The following ABCB5 variants were observed in gnomAD, a reference collection of about 807,000 sequenced individuals.
ABCB5 encodes the protein ATP binding cassette subfamily B member 5.
Under a neutral mutation model 144.2 loss-of-function variants are expected in ABCB5, and 155 were observed. The observed-to-expected ratio is 1.08, with a 90% CI of 0.94 to 1.23. The LOEUF (loss-of-function observed/expected upper bound fraction) is 1.23, where lower values mean the gene tolerates loss of function less well. Ranked by LOEUF, ABCB5 falls within the 50% of genes most tolerant of loss-of-function variation. ABCB5 has a pLI of 0.00. For missense variants in ABCB5, 1,830 were observed against 1,520.8 expected, an observed-to-expected ratio of 1.20 and a Z score of -3.38; for synonymous variants, 610 against 528.6, an observed-to-expected ratio of 1.15 and a Z score of -2.11.
intron 23 of ABCB5, among the ~76,000 whole-genome samples, chr7:20,735,968 A>G (rs114094182): frequency 0.011 from 1,730 of 152,286 alleles, 27 homozygotes; most frequent in African/African-American, 0.039. Context: ...AATAAATGTT[A>G]GTTGCTTATT....
chr7:20,648,750 T>A (rs1166175367), intron 11 of ABCB5, among the ~76,000 whole-genome samples: 1 of 152,248 alleles, frequency 6.6e-6, no homozygotes, highest in African/African-American at 2.4e-5. Context: ...TGTGATCAAT[T>A]TCTAATGTCT....
chr7:20,629,509 T>C (rs1038206980), intron 4 of ABCB5, among the ~76,000 whole-genome samples: 1 of 152,052 alleles, frequency 6.6e-6, no homozygotes, highest in African/African-American at 2.4e-5. Flanking sequence ...ATGCCTGTAA[T>C]CCTGCACTTT....
chr7:20,700,108 C>G lies in ABCB5; in HGVS notation c.2310C>G (p.His770Gln), dbSNP rs757746346. 10 of 1,612,526 alleles carry G rather than the reference C, an allele frequency of 6.2e-6. No homozygotes were observed. In the South Asian group the frequency reaches 9.9e-5, roughly 16 times the overall value. The change falls in exon 19 of 28, where the codon CAC becomes CAG. Residue 770 changes from histidine to glutamine, a missense_variant. Physicochemically the swap from His to Gln is conservative, Grantham distance 24 (BLOSUM62 0). Coordinates refer to ENST00000404938, the MANE Select transcript of ABCB5 (RefSeq NM_001163941.2). ...AAATTTTAACGATGAGATTAAGACA[C>G]TTGGCCTTCAAAGCCATGTTATATC... ...AGEILTMRLR[H>Q]LAFKAMLYQD...
chr7:20,647,692 A>G, intron 10 of ABCB5, 44 bp downstream of exon 10: 1 of 1,534,644 alleles, frequency 6.5e-7, no homozygotes, highest in East Asian at 2.4e-5. Flanking sequence ...CATTACTGCA[A>G]GAAGGAGACA....
chr7:20,682,894 G>T (rs1785874034), intron 15 of ABCB5, among the ~76,000 whole-genome samples: 1 of 152,078 alleles, frequency 6.6e-6, no homozygotes, highest in South Asian at 2.1e-4. Flanking sequence ...CACCCTACTG[G>T]ATTTCACATA....
chr7:20,621,956 T>C (rs1014082007), intron 1 of ABCB5, among the ~76,000 whole-genome samples: 2 of 152,106 alleles, frequency 1.3e-5, no homozygotes, highest in African/African-American at 4.8e-5. Context: ...TTTGGCTCAG[T>C]GGACTTCCTT....
At position 20,699,898 on chromosome 7, in the gene ABCB5, G is replaced by A; in HGVS notation, c.2228G>A (p.Gly743Asp). 1 of 1,612,618 alleles carries A rather than the reference G, an allele frequency of 6.2e-7. No individual in the cohort carries two copies. The highest frequency in any genetic ancestry group is 8.5e-7 in the Non-Finnish European group (1 of 1,179,274). The part of the protein sequence containing the change: ...EIYSMIFVIL[G>D]VICFVSYFMQ... ...TATTCCATGATATTCGTCATTTTGG[G>A]TGTTATTTGCTTTGTCAGTTATTTC... The change falls in exon 18 of 28, where the codon GGT (glycine) becomes GAT (aspartate). Residue 743 changes from glycine to aspartate, a missense_variant. By Grantham distance (94) the Gly-to-Asp change is moderately conservative (BLOSUM62 -1). Coordinates refer to ENST00000404938, the MANE Select transcript of ABCB5 (RefSeq NM_001163941.2).
chr7:20,721,491 A>G (rs76915056), intron 20 of ABCB5, among the ~76,000 whole-genome samples: 3,614 of 152,200 alleles, frequency 0.024, 154 homozygotes, highest in African/African-American at 0.08. Flanking sequence ...TATGGTTACT[A>G]TTTATTTTTG....
chr7:20,647,621 C>A lies in ABCB5; in HGVS notation c.1068C>A (p.Ala356=). 1 of 1,577,776 alleles carries A rather than the reference C, an allele frequency of 6.3e-7. No homozygotes were observed. Among genetic ancestry groups the A allele is most frequent in the African/African-American group, 1.3e-5 (1 of 74,404 alleles). The change falls in exon 10 of 28, where the codon GCC becomes GCA. Residue 356 remains alanine (A), a synonymous_variant. Coordinates refer to ENST00000404938, the MANE Select transcript of ABCB5 (RefSeq NM_001163941.2). The part of the protein sequence containing the change: ...FETFAIARGA[A]FHIFQVIDKK... ...CCTTCGCAATAGCCCGAGGAGCTGC[C>A]TTTCATATTTTCCAGGTTATTGATA...
intron 20 of ABCB5, among the ~76,000 whole-genome samples, chr7:20,716,048 A>G (rs1453003244): frequency 6.6e-6 from 1 of 152,180 alleles, no homozygotes; most frequent in African/African-American, 2.4e-5. Flanking sequence ...TAAAGTTAAT[A>G]GAACACAAAC....
intron 14 of ABCB5, among the ~76,000 whole-genome samples, chr7:20,678,401 G>A: frequency 6.6e-6 from 1 of 152,184 alleles, no homozygotes. Flanking sequence ...CTGGGTTTTA[G>A]TACCAGTCCT....
At chr7:20,665,770 T>TAGATAGATAGATAG (rs1466333096) in intron 14 of ABCB5, among the ~76,000 whole-genome samples, 1 of 124,436 alleles carries the variant, frequency 8.0e-6, no homozygotes, top group Non-Finnish European at 1.7e-5. Context: ...TAGATAGAGA[T>TAGATAGATAGATAG]ACATACATAC....
At chr7:20,738,296 G>T (rs2128054079) in intron 23 of ABCB5, among the ~76,000 whole-genome samples, 1 of 152,290 alleles carries the variant, frequency 6.6e-6, no homozygotes, top group African/African-American at 2.4e-5. Context: ...CCATGGTCAG[G>T]TCCTGTGCCA....
intron 13 of ABCB5, among the ~76,000 whole-genome samples, chr7:20,653,536 G>A (rs2285560): frequency 0.1 from 15,186 of 152,198 alleles, 855 homozygotes; most frequent in East Asian, 0.16. Context: ...AAACATATGA[G>A]GCCAAGGGCA....
At chr7:20,684,388 G>T (rs1299926838) in intron 15 of ABCB5, among the ~76,000 whole-genome samples, 1 of 152,144 alleles carries the variant, frequency 6.6e-6, no homozygotes, top group East Asian at 1.9e-4. Context: ...CTCAGAAAAT[G>T]TATTATGAAG....
chr7:20,719,923 G>T (rs1344956084), intron 20 of ABCB5, among the ~76,000 whole-genome samples: 1 of 143,792 alleles, frequency 7.0e-6, no homozygotes, highest in Non-Finnish European at 1.5e-5. Context: ...AGATGTAAAT[G>T]TGTGTTTGTA....
intron 5 of ABCB5, among the ~76,000 whole-genome samples, chr7:20,635,513 A>G (rs191266254): frequency 7.9e-5 from 12 of 152,030 alleles, no homozygotes; most frequent in African/African-American, 2.7e-4. Flanking sequence ...AAGTCATTTT[A>G]ATGATATTGA....
At chr7:20,688,679 T>C (rs970660805) in intron 16 of ABCB5, among the ~76,000 whole-genome samples, 30 of 152,200 alleles carry the variant, frequency 2.0e-4, no homozygotes, top group South Asian at 1.0e-3. Context: ...CGTATGTTTA[T>C]TGCAGCACTA....
rs1583412660 is a variant in ABCB5, at chr7:20,669,049, T to G, written c.1707+10373T>G. On this transcript the variant is annotated intron_variant, in intron 14 of 27. Transcript: ENST00000404938. Reference sequence around the variant, plus strand: ...GGCGCCTCTGCCCGGCCGCCCCTACTGGGAAGTGAGGAGCCCCTCTGCCTG... The same window carrying G: ...GGCGCCTCTGCCCGGCCGCCCCTACGGGGAAGTGAGGAGCCCCTCTGCCTG... Among the ~76,000 whole-genome samples, 3 of 136,840 alleles carry G rather than the reference T, an allele frequency of 2.2e-5. No homozygotes were observed. The South Asian group carries it at 7.7e-4, about 35-fold the overall frequency. 89.8% of individuals were successfully genotyped at this position (136,840 alleles called of 152,430 possible). A position where few individuals can be genotyped will look rare whatever the true frequency, so the allele number is the denominator to read the frequency against.
Sources: gnomAD v4.1 joint callset for allele counts (sites outside exome capture counted in the v4.1 genomes callset) on GRCh38, gnomAD v4.1.1 for gene constraint, MANE v1.5 for transcripts, NCBI Gene and HGNC (gene_info 2026-07-23, HGNC 2026-07-21) for gene names.